The following ABCC12 variants were observed in gnomAD, a reference collection of about 807,000 sequenced individuals.
ABCC12 encodes the protein ATP binding cassette subfamily C member 12, also known as ATP-binding cassette sub-family C member 12.
Under a neutral mutation model 151.1 loss-of-function variants are expected in ABCC12, and 142 were observed. That is an observed-to-expected ratio of 0.94 (90% CI 0.82 to 1.08). The LOEUF is 1.08. Among genes scored for constraint, ABCC12 ranks in the 50% least tolerant of loss-of-function variants. The probability of loss-of-function intolerance (pLI) is 0.00; values close to 1 mark genes in which losing one functional copy is unlikely to be tolerated. For synonymous variants in ABCC12, 645 were observed against 646.4 expected (o/e 1.00, Z 0.03); for missense variants, 1,638 against 1,691.1 (o/e 0.97, Z 0.55).
At position 48,105,296 on chromosome 16, in the gene ABCC12, A is replaced by T. The variant is rs776180622; in HGVS notation, c.2516T>A (p.Val839Asp). The change falls in exon 21 of 31, where the codon GTC (valine) becomes GAC (aspartate). Residue 839 changes from valine (V) to aspartate (D), a missense_variant. Val to Asp is a radical substitution (Grantham distance 152, BLOSUM62 -3). Transcript: ENST00000311303. The part of the protein sequence containing the change: ...GPQGNRTMCE[V>D]GAVLADIGQH... Reference sequence around the variant, plus strand: ...ACCGATGTCTGCCAGCACCGCGCCGACCTCACACATGGTCCTGTTGCCCTG... The same window carrying T: ...ACCGATGTCTGCCAGCACCGCGCCGTCCTCACACATGGTCCTGTTGCCCTG... 1.2e-6 allele frequency: 2 copies of T among 1,613,276 alleles called. No individual in the cohort carries two copies. Among genetic ancestry groups the T allele is most frequent in the Non-Finnish European group, 1.7e-6 (2 of 1,179,858 alleles).
intron 29 of ABCC12, 55 bp downstream of exon 29, chr16:48,085,538 T>A (rs1025636623): frequency 6.8e-6 from 10 of 1,481,194 alleles, no homozygotes; most frequent in Non-Finnish European, 8.5e-6. Context: ...CTGGATTGAG[T>A]GGCGCTGCGG....
chr16:48,131,451 C>T (rs1285012832), intron 9 of ABCC12, among the ~76,000 whole-genome samples: 1 of 152,144 alleles, frequency 6.6e-6, no homozygotes, highest in Non-Finnish European at 1.5e-5. Context: ...TCCCCATTCA[C>T]CACACAAGGC....
At chr16:48,138,172 T>G in intron 8 of ABCC12, 56 bp downstream of exon 8, 1 of 1,542,982 alleles carries the variant, frequency 6.5e-7, no homozygotes, top group East Asian at 2.3e-5. Flanking sequence ...AAGAACCCCT[T>G]AGAAGAGCAT....
At chr16:48,097,270 T>A (rs1963133422) in intron 23 of ABCC12, among the ~76,000 whole-genome samples, 1 of 151,260 alleles carries the variant, frequency 6.6e-6, no homozygotes, top group South Asian at 2.1e-4. Context: ...TATCGTGGAG[T>A]CAGTCACCCT....
At chr16:48,145,211 C>T (rs1464323060) in intron 3 of ABCC12, among the ~76,000 whole-genome samples, 7 of 152,204 alleles carry the variant, frequency 4.6e-5, no homozygotes, top group Admixed American at 3.9e-4. Context: ...TTGGCCCAGA[C>T]AGAGATGCTG....
At chr16:48,118,560 A>G (rs1437037323) in intron 13 of ABCC12, among the ~76,000 whole-genome samples, 4 of 152,332 alleles carry the variant, frequency 2.6e-5, no homozygotes, top group Non-Finnish European at 4.4e-5. Context: ...CATTGGCATT[A>G]TCGTCATCAG....
chr16:48,144,519 G>A (rs542885518), intron 3 of ABCC12, among the ~76,000 whole-genome samples: 34 of 151,604 alleles, frequency 2.2e-4, no homozygotes, highest in Non-Finnish European at 4.6e-4. Flanking sequence ...TACCCCCAGG[G>A]GCAAAACTTC....
intron 15 of ABCC12, among the ~76,000 whole-genome samples, chr16:48,114,689 G>A (rs1363962897): frequency 1.3e-5 from 2 of 152,190 alleles, no homozygotes; most frequent in Admixed American, 6.5e-5. Context: ...AAAGAAGAGA[G>A]AGGGAGATGG....
rs567076118 is a variant in ABCC12, at chr16:48,111,757, C to T, written c.2124+19G>A. ...GATTCCGCCCCAATTGTTCCCACACCTGCCCAGGTGTGAGTTACCTTGAAC... is the reference window on the plus strand; with the variant it reads ...GATTCCGCCCCAATTGTTCCCACACTTGCCCAGGTGTGAGTTACCTTGAAC... On this transcript the variant is annotated intron_variant, in intron 16 of 30. Transcript: ENST00000311303. 1.9e-6 allele frequency: 3 copies of T among 1,614,114 alleles called. No individual in the cohort carries two copies. In the African/African-American group the frequency reaches 4.0e-5, roughly 22 times the overall value.
chr16:48,114,218 G>A (rs993115638), intron 15 of ABCC12, among the ~76,000 whole-genome samples: 4 of 152,130 alleles, frequency 2.6e-5, no homozygotes, highest in South Asian at 2.1e-4. Flanking sequence ...AGCTTATTCC[G>A]GGACCAGAAC....
Position 48,141,251 on chromosome 16 carries a change from G to A in ABCC12, c.378C>T (p.Asp126=), listed in dbSNP as rs147341257. 2 of 1,614,202 alleles carry A rather than the reference G, an allele frequency of 1.2e-6. No homozygotes were observed. The highest frequency in any genetic ancestry group is 8.5e-7 in the Non-Finnish European group (1 of 1,180,030). Residue 126 remains aspartate, a synonymous_variant, in exon 5 of 31, where the codon GAC becomes GAT. Transcript: ENST00000311303. The stretch of plus-strand genomic sequence containing the variant: ...TGATGCACAGGATGTTGGCCACGAT[G>A]TCCATCAACACGCGTGTCCTCTGGA... ...WKFQRTRVLM[D]IVANILCIIM...
At chr16:48,152,791 A>G (rs1187858076) in intron 2 of ABCC12, among the ~76,000 whole-genome samples, 1 of 152,224 alleles carries the variant, frequency 6.6e-6, no homozygotes, top group African/African-American at 2.4e-5. Flanking sequence ...AGATGAACCC[A>G]AAGGAGCTTT....
intron 6 of ABCC12, 88 bp from the exon 7 acceptor site, chr16:48,139,424 C>A: frequency 7.1e-7 from 1 of 1,404,616 alleles, no homozygotes; most frequent in Non-Finnish European, 9.6e-7. Flanking sequence ...CCGAGGGGAT[C>A]TAGGGAGAAA....
At chr16:48,087,105 A>G (rs1962647254) in intron 27 of ABCC12, 2 of 347,452 alleles carry the variant, frequency 5.8e-6, no homozygotes, top group Non-Finnish European at 1.1e-5. Flanking sequence ...AGAAAGACAC[A>G]CCTGGGCCTC....
chr16:48,128,673 A>AAGAC lies in ABCC12; in HGVS notation c.1297_1300dup (p.Leu434CysfsTer14), dbSNP rs766617917. Reference sequence around the variant, plus strand: ...TGTCAAGGTGGCATTTGCTAAAAGCAAGACAGTATCTGGGTCTTCTGGTTG... The same window carrying AAGAC: ...TGTCAAGGTGGCATTTGCTAAAAGCAAGACAGACAGTATCTGGGTCTTCTGGTTG... On this transcript the variant is annotated frameshift_variant, in exon 11 of 31. Transcript: ENST00000311303. LOFTEE classifies it high-confidence loss of function. 1.2e-6 allele frequency: 2 copies of AAGAC among 1,614,210 alleles called. No individual in the cohort carries two copies. The highest frequency in any genetic ancestry group is 1.7e-6 in the Non-Finnish European group (2 of 1,180,038).
Position 48,135,769 on chromosome 16 carries a change from C to T in ABCC12, c.980-1934G>A, listed in dbSNP as rs376832110. ...GCCTGAAGGCACCTGCCTGGTGTCC[C>T]AAGAATAGACACAAAAACTCAAGAG... is the stretch of plus-strand genomic sequence containing the variant. On this transcript the variant is annotated intron_variant, in intron 8 of 30. Coordinates refer to ENST00000311303, the MANE Select transcript of ABCC12 (RefSeq NM_001393797.1). 2.0e-3 allele frequency among the ~76,000 whole-genome samples: 303 copies of T among 152,230 alleles called. 7 individuals are homozygous for T. The South Asian group carries it at 0.028, about 14-fold the overall frequency.
intron 21 of ABCC12, among the ~76,000 whole-genome samples, chr16:48,104,764 C>T (rs949852486): frequency 5.3e-5 from 8 of 152,202 alleles, no homozygotes; most frequent in Non-Finnish European, 1.2e-4. Context: ...AGCCAGGGCC[C>T]TCCCAGGCCC....
In ABCC12 at chr16:48,112,527, G is replaced by A. The variant is rs148452297; in HGVS notation, c.1990-617C>T. ...GGAGAATCGCTTGAACTCAGGAGGT[G>A]GAGGTTGCAGTGAGCCAAGAAGGTG... On this transcript the variant is annotated intron_variant, in intron 15 of 30. Transcript: ENST00000311303. Among the ~76,000 whole-genome samples the A allele has an allele frequency of 6.7e-3, 1,026 of 152,262 alleles. 9 individuals are homozygous for A. The highest frequency in any genetic ancestry group is 0.023 in the African/African-American group (966 of 41,558).
Position 48,140,669 on chromosome 16 carries a change from T to C in ABCC12, c.657+18A>G, listed in dbSNP as rs1964772742. 6.2e-7 allele frequency: 1 copy of C among 1,609,842 alleles called. No homozygotes were observed. Among genetic ancestry groups the C allele is most frequent in the Admixed American group, 1.7e-5 (1 of 59,764 alleles). On this transcript the variant is annotated intron_variant, in intron 6 of 30. Transcript: ENST00000311303. ...CAGGGCCCATTTTCCAACATTAAAC[T>C]CCTCTGAGCCAGCTTACCTCGCCAA...
Sources: gnomAD v4.1 joint callset for allele counts (sites outside exome capture counted in the v4.1 genomes callset) on GRCh38, gnomAD v4.1.1 for gene constraint, MANE v1.5 for transcripts, NCBI Gene and HGNC (gene_info 2026-07-23, HGNC 2026-07-21) for gene names.